The following PRKN variants were observed in gnomAD, a reference collection of about 807,000 sequenced individuals.
PRKN encodes the protein E3 ubiquitin-protein ligase parkin.
In PRKN, 56 loss-of-function variants were observed where a neutral mutation model predicts 59.5. The observed-to-expected ratio is 0.94, with a 90% CI of 0.76 to 1.18. The LOEUF is 1.18. Among genes scored for constraint, PRKN ranks in the 50% most tolerant of loss-of-function variants. The probability of loss-of-function intolerance (pLI) is 0.00; values close to 1 mark genes in which losing one functional copy is unlikely to be tolerated. For missense variants in PRKN, 657 were observed against 596.4 expected, an observed-to-expected ratio of 1.10 and a Z score of -1.06; for synonymous variants, 250 against 222.1, an observed-to-expected ratio of 1.13 and a Z score of -1.12.
At chr6:161,534,887 C>A (rs983927666) in intron 9 of PRKN, among the ~76,000 whole-genome samples, 1 of 152,160 alleles carries the variant, frequency 6.6e-6, no homozygotes, top group Non-Finnish European at 1.5e-5. Context: ...CTAAAAACAG[C>A]GTGATTTCTA....
At position 162,012,709 on chromosome 6, in the gene PRKN, G is replaced by T. The variant is rs180866670; in HGVS notation, c.619-39292C>A. ...CCCCAAATTGAACCGAGGACCACCTGCTGCATTGAGTTTTCATGTACTTTC... is the reference window on the plus strand; with the variant it reads ...CCCCAAATTGAACCGAGGACCACCTTCTGCATTGAGTTTTCATGTACTTTC... On this transcript the variant is annotated intron_variant, in intron 5 of 11. Transcript: ENST00000366898. 2.0e-5 allele frequency among the ~76,000 whole-genome samples: 3 copies of T among 152,106 alleles called. No individual in the cohort carries two copies. The East Asian group carries it at 5.8e-4, about 29-fold the overall frequency.
At chr6:161,781,134 C>G (rs1790187682) in intron 7 of PRKN, among the ~76,000 whole-genome samples, 1 of 152,180 alleles carries the variant, frequency 6.6e-6, no homozygotes, top group South Asian at 2.1e-4. Context: ...CCTGTCTCAG[C>G]TTCTGGTTAC....
chr6:162,167,785 AC>A (rs1421369486), intron 4 of PRKN, among the ~76,000 whole-genome samples: 1 of 152,168 alleles, frequency 6.6e-6, no homozygotes, highest in East Asian at 1.9e-4. Context: ...AATGAGATCT[AC>A]CTAGACTTTG....
chr6:161,471,657 C>T lies in PRKN; in HGVS notation c.1083+77197G>A, dbSNP rs1479189761. ...AGAATCAGGATTCAAAAACATCCCC[C>T]CACCGTCTGACATCACTGGGTAATC... is the stretch of plus-strand genomic sequence containing the variant. On this transcript the variant is annotated intron_variant, in intron 9 of 11. Coordinates refer to ENST00000366898, the MANE Select transcript of PRKN (RefSeq NM_004562.3). The surrounding 1 kb of genome is among the most constrained non-coding windows in gnomAD (Gnocchi z 4.5). Among the ~76,000 whole-genome samples the T allele has an allele frequency of 6.6e-6, 1 of 152,138 alleles. No homozygotes were observed.
chr6:162,507,515 T>C (rs1193583368), intron 1 of PRKN, among the ~76,000 whole-genome samples: 3 of 152,182 alleles, frequency 2.0e-5, no homozygotes, highest in Admixed American at 6.5e-5. Flanking sequence ...AGCCTCAAAT[T>C]CTATTCAATG....
chr6:162,200,638 T>C (rs1784686789), intron 4 of PRKN, among the ~76,000 whole-genome samples: 2 of 152,218 alleles, frequency 1.3e-5, no homozygotes. Flanking sequence ...TTGCTTTATA[T>C]GCATACTGTT....
At chr6:161,521,060 C>T (rs1778801259) in intron 9 of PRKN, among the ~76,000 whole-genome samples, 1 of 152,148 alleles carries the variant, frequency 6.6e-6, no homozygotes, top group Non-Finnish European at 1.5e-5. Context: ...TCTTATTAAT[C>T]CCGGGTCTTA....
At chr6:162,240,001 T>C (rs1190889008) in intron 3 of PRKN, among the ~76,000 whole-genome samples, 1 of 152,180 alleles carries the variant, frequency 6.6e-6, no homozygotes, top group Non-Finnish European at 1.5e-5. Flanking sequence ...ATGAGATCTA[T>C]GGCCAGGTCC....
intron 3 of PRKN, among the ~76,000 whole-genome samples, chr6:162,250,383 A>G (rs150073525): frequency 6.6e-5 from 10 of 152,248 alleles, no homozygotes; most frequent in African/African-American, 2.4e-4. Context: ...GATAACCCCA[A>G]AGTCAATGGT....
intron 9 of PRKN, among the ~76,000 whole-genome samples, chr6:161,412,735 T>C (rs1787642483): frequency 6.6e-6 from 1 of 150,478 alleles, no homozygotes; most frequent in Admixed American, 6.6e-5. Context: ...CATTCTATAA[T>C]TCCTTCACTC....
chr6:162,082,303 G>A (rs1779089194), intron 4 of PRKN, among the ~76,000 whole-genome samples: 1 of 151,996 alleles, frequency 6.6e-6, no homozygotes, highest in African/African-American at 2.4e-5. Flanking sequence ...ATGATTATGA[G>A]GCCTCCCCAG....
Position 161,451,961 on chromosome 6 carries a change from CTTTTCTTTTT to C in PRKN, c.1084-65094_1084-65085del, listed in dbSNP as rs1789756434. On this transcript the variant is annotated intron_variant, in intron 9 of 11. Coordinates refer to ENST00000366898, the MANE Select transcript of PRKN (RefSeq NM_004562.3). This position sits in a 1 kb window ranked among gnomAD's most constrained non-coding sequence, Gnocchi z 5.9. ...TTCTTTTACTTTTTTCTTTTCTTTT[CTTTTCTTTTT>C]TTGGGATGGAGTCTCACTCTGTTGC... 7.0e-6 allele frequency among the ~76,000 whole-genome samples: 1 copy of C among 143,020 alleles called. No individual in the cohort carries two copies. Among genetic ancestry groups the C allele is most frequent in the African/African-American group, 2.6e-5 (1 of 38,620 alleles). The allele number at this position is 143,020 out of a possible 152,430, so 93.8% of individuals were successfully genotyped here. A position where few individuals can be genotyped will look rare whatever the true frequency, so the allele number is the denominator to read the frequency against.
intron 7 of PRKN, among the ~76,000 whole-genome samples, chr6:161,778,808 G>C (rs1483798857): frequency 1.3e-5 from 2 of 152,192 alleles, no homozygotes; most frequent in African/African-American, 4.8e-5. Flanking sequence ...TCTGACCACA[G>C]ACAGGATCAG....
At chr6:162,215,773 C>T (rs919541287) in intron 3 of PRKN, among the ~76,000 whole-genome samples, 6 of 152,024 alleles carry the variant, frequency 3.9e-5, no homozygotes, top group East Asian at 3.9e-4. Context: ...GCAGGCCGGG[C>T]GGTGGCTCAC....
At chr6:162,235,883 G>GAGAA (rs1443997054) in intron 3 of PRKN, among the ~76,000 whole-genome samples, 1 of 146,144 alleles carries the variant, frequency 6.8e-6, no homozygotes, top group Non-Finnish European at 1.5e-5. Flanking sequence ...AAGAAAGAGA[G>GAGAA]AGAAAGAAAG....
intron 9 of PRKN, among the ~76,000 whole-genome samples, chr6:161,490,536 A>G (rs1583144898): frequency 6.6e-6 from 1 of 151,810 alleles, no homozygotes; most frequent in African/African-American, 2.4e-5. Flanking sequence ...GCTTACAGGC[A>G]GGCACCACCA....
chr6:161,984,743 A>C (rs781286349), intron 5 of PRKN, among the ~76,000 whole-genome samples: 1 of 152,128 alleles, frequency 6.6e-6, no homozygotes, highest in Non-Finnish European at 1.5e-5. Flanking sequence ...TGCTTCCACT[A>C]TGTTTGTTGC....
intron 3 of PRKN, among the ~76,000 whole-genome samples, chr6:162,251,066 A>G (rs1779413932): frequency 6.6e-6 from 1 of 152,140 alleles, no homozygotes; most frequent in African/African-American, 2.4e-5. Context: ...TAGCTTTCAA[A>G]TAAGATAGCC....
chr6:162,603,081 C>CT (rs1554252374), intron 1 of PRKN, among the ~76,000 whole-genome samples: 2 of 152,158 alleles, frequency 1.3e-5, no homozygotes, highest in South Asian at 4.2e-4. Context: ...AGGATTTTTT[C>CT]TTTTGGTTCG....
Sources: allele counts gnomAD v4.1 joint callset (sites outside exome capture counted in the v4.1 genomes callset), GRCh38; gene constraint gnomAD v4.1.1; non-coding constraint Gnocchi (gnomAD v3.1); transcripts MANE v1.5; gene names NCBI Gene and HGNC (gene_info 2026-07-23, HGNC 2026-07-21).